Variants in SDK1 observed in about 807,000 individuals in gnomAD.
SDK1 encodes the protein sidekick cell adhesion molecule 1, also known as protein sidekick-1.
SDK1 carries 157 observed loss-of-function variants against 245.5 expected under a neutral mutation model. The observed-to-expected ratio is 0.64, with a 90% confidence interval of 0.56 to 0.73. The LOEUF (loss-of-function observed/expected upper bound fraction) is 0.73, where lower values mean the gene tolerates loss of function less well. Among genes scored for constraint, SDK1 ranks in the 30% least tolerant of loss-of-function variants. The pLI, the probability that SDK1 is intolerant of heterozygous loss-of-function variation, is 0.00. For missense variants in SDK1, 3,583 were observed against 3,002.3 expected, an observed-to-expected ratio of 1.19 and a Z score of -4.52; for synonymous variants, 1,647 against 1,278.5, an observed-to-expected ratio of 1.29 and a Z score of -6.15.
chr7:3,403,132 C>T (rs1778935765), intron 1 of SDK1, among the ~76,000 whole-genome samples: 1 of 152,098 alleles, frequency 6.6e-6, no homozygotes, highest in Non-Finnish European at 1.5e-5. Context: ...CAGGGTTTCT[C>T]CGTGTTGATC....
chr7:4,136,618 C>T (rs550441303), intron 28 of SDK1, among the ~76,000 whole-genome samples: 2 of 152,282 alleles, frequency 1.3e-5, no homozygotes, highest in East Asian at 3.9e-4. Flanking sequence ...GGGTTGGAAC[C>T]CCCTGAGTAC....
At chr7:3,584,340 T>G (rs1365641205) in intron 1 of SDK1, among the ~76,000 whole-genome samples, 1 of 152,182 alleles carries the variant, frequency 6.6e-6, no homozygotes, top group African/African-American at 2.4e-5. Flanking sequence ...TGGCGTTCCC[T>G]GTCTAGTTTC....
At chr7:3,680,008 A>T (rs1011346347) in intron 4 of SDK1, among the ~76,000 whole-genome samples, 2 of 47,942 alleles carry the variant, frequency 4.2e-5, no homozygotes, top group African/African-American at 1.4e-4. Context: ...TTTATTTGAG[A>T]TTAGTAAAAA....
chr7:3,592,748 A>G (rs541747122), intron 1 of SDK1, among the ~76,000 whole-genome samples: 3 of 152,316 alleles, frequency 2.0e-5, no homozygotes, highest in Non-Finnish European at 4.4e-5. Context: ...CTTTATATAA[A>G]GAACTTTGCT....
At position 4,208,227 on chromosome 7, in the gene SDK1, C is replaced by G; in HGVS notation, c.5343C>G (p.Phe1781Leu). ...AGTACCTGGTCAGCATATCAGCCTT[C>G]AACGCCGCCGGAGATGGACCTAAGA... ...HTKYLVSISA[F>L]NAAGDGPKSD... is the part of the protein sequence containing the mutation. Residue 1781 changes from phenylalanine to leucine, a missense_variant, in exon 37 of 45, where the codon TTC becomes TTG. By Grantham distance (22) the Phe-to-Leu change is conservative. Coordinates refer to ENST00000404826, the MANE Select transcript of SDK1 (RefSeq NM_152744.4). 1 of 1,614,086 alleles carries G rather than the reference C, an allele frequency of 6.2e-7. No homozygotes were observed. Among genetic ancestry groups the G allele is most frequent in the Non-Finnish European group, 8.5e-7 (1 of 1,180,018 alleles).
At chr7:3,760,845 A>T (rs952944489) in intron 4 of SDK1, among the ~76,000 whole-genome samples, 1 of 152,186 alleles carries the variant, frequency 6.6e-6, no homozygotes, top group African/African-American at 2.4e-5. Context: ...AGCATTTAAG[A>T]TCTATTTATG....
At chr7:3,888,331 C>T (rs891515297) in intron 5 of SDK1, among the ~76,000 whole-genome samples, 22 of 152,136 alleles carry the variant, frequency 1.4e-4, no homozygotes, top group African/African-American at 4.8e-4. Context: ...GTCTGGCCCA[C>T]AGCCTGGCCC....
At chr7:4,073,003 A>T (rs1584025848) in intron 20 of SDK1, among the ~76,000 whole-genome samples, 1 of 152,236 alleles carries the variant, frequency 6.6e-6, no homozygotes, top group Admixed American at 6.5e-5. Context: ...ATGCAGACAG[A>T]CAGTTTGTGA....
At chr7:4,058,863 C>A (rs776979886) in intron 19 of SDK1, among the ~76,000 whole-genome samples, 3 of 152,148 alleles carry the variant, frequency 2.0e-5, no homozygotes, top group Non-Finnish European at 4.4e-5. Flanking sequence ...AATTCCCACA[C>A]CTGAAGTGAA....
chr7:3,575,444 G>T (rs1393791673), intron 1 of SDK1, among the ~76,000 whole-genome samples: 1 of 151,934 alleles, frequency 6.6e-6, no homozygotes, highest in African/African-American at 2.4e-5. Flanking sequence ...ATTTTGGGGG[G>T]ACACAAACAT....
At chr7:3,400,306 TAATTTTCAG>T (rs1230956522) in intron 1 of SDK1, among the ~76,000 whole-genome samples, 1 of 152,160 alleles carries the variant, frequency 6.6e-6, no homozygotes, top group African/African-American at 2.4e-5. Flanking sequence ...CAGCTTTGGT[TAATTTTCAG>T]AATTTTCAAA....
chr7:3,575,036 C>T (rs1024033492), intron 1 of SDK1, among the ~76,000 whole-genome samples: 5 of 152,014 alleles, frequency 3.3e-5, no homozygotes, highest in Non-Finnish European at 7.4e-5. Context: ...TCCTGTGCAG[C>T]CTAAAGAATG....
At chr7:3,920,377 C>A (rs540153688) in intron 5 of SDK1, among the ~76,000 whole-genome samples, 2 of 152,040 alleles carry the variant, frequency 1.3e-5, no homozygotes, top group African/African-American at 4.8e-5. Context: ...AAGAGGGGAA[C>A]ATACTTGGGA....
intron 13 of SDK1, among the ~76,000 whole-genome samples, chr7:3,986,743 C>G (rs941064315): frequency 6.6e-6 from 1 of 152,158 alleles, no homozygotes; most frequent in Non-Finnish European, 1.5e-5. Context: ...CGCCTATAAT[C>G]CCACCTACTA....
chr7:3,799,469 C>T (rs149720870), intron 4 of SDK1, among the ~76,000 whole-genome samples: 4,960 of 151,664 alleles, frequency 0.033, 111 homozygotes, highest in South Asian at 0.052. Flanking sequence ...CTTTGGGAGG[C>T]CGAGGCAGGT....
chr7:3,537,132 G>C (rs924516912), intron 1 of SDK1, among the ~76,000 whole-genome samples: 4 of 152,132 alleles, frequency 2.6e-5, no homozygotes, highest in Admixed American at 6.5e-5. Flanking sequence ...TCTTAAATCA[G>C]TCCATTCCCT....
At chr7:3,895,542 C>T (rs572603490) in intron 5 of SDK1, among the ~76,000 whole-genome samples, 3 of 152,202 alleles carry the variant, frequency 2.0e-5, no homozygotes, top group South Asian at 4.1e-4. Flanking sequence ...GTAGCCATCT[C>T]GTGACCACGA....
intron 5 of SDK1, among the ~76,000 whole-genome samples, chr7:3,893,805 C>A (rs1781523387): frequency 6.6e-6 from 1 of 151,912 alleles, no homozygotes; most frequent in Non-Finnish European, 1.5e-5. Flanking sequence ...TTTCGTGATC[C>A]CAGTCACCTG....
Position 4,127,510 on chromosome 7 carries a change from G to A in SDK1, c.3939+14G>A. 1 of 1,580,962 alleles carries A rather than the reference G, an allele frequency of 6.3e-7. No homozygotes were observed. On this transcript the variant is annotated intron_variant, in intron 26 of 44. Transcript: ENST00000404826. ...CTGGGCTACAAGGTGTGTGATCACA[G>A]GATGACCTCCCTTTGCTTAAAGAGT...
Sources: gnomAD v4.1 joint callset for allele counts (sites outside exome capture counted in the v4.1 genomes callset) on GRCh38, gnomAD v4.1.1 for gene constraint, MANE v1.5 for transcripts, NCBI Gene and HGNC (gene_info 2026-07-23, HGNC 2026-07-21) for gene names.